ZMYM2: variants seen among roughly 807,000 people sequenced by gnomAD.
ZMYM2 encodes zinc finger MYM-type containing 2.
A neutral mutation model predicts 162.8 loss-of-function variants in ZMYM2; 56 were observed. The ratio of observed to expected loss-of-function variants is 0.34; its 90% CI spans 0.28 to 0.43. The LOEUF is 0.43. Among genes scored for constraint, ZMYM2 ranks in the 20% least tolerant of loss-of-function variants. The pLI, the probability that ZMYM2 is intolerant of heterozygous loss-of-function variation, is 1.00. For synonymous variants in ZMYM2, 510 were observed against 541.6 expected, an observed-to-expected ratio of 0.94 and a Z score of 0.81; for missense variants, 1,275 against 1,621.8, an observed-to-expected ratio of 0.79 and a Z score of 3.67.
At chr13:20,014,883 G>T (rs993660599) in intron 6 of ZMYM2, among the ~76,000 whole-genome samples, 1 of 145,662 alleles carries the variant, frequency 6.9e-6, no homozygotes, top group African/African-American at 2.5e-5. Flanking sequence ...TCCTGCATCC[G>T]CCTCCTGAGT....
At chr13:20,058,823 T>C in intron 15 of ZMYM2, 119 bp downstream of exon 15, 1 of 1,379,438 alleles carries the variant, frequency 7.2e-7, no homozygotes, top group Non-Finnish European at 1.0e-6. Flanking sequence ...TGTCATTTTC[T>C]GTTGATTTTG....
the ZMYM2 span, among the ~76,000 whole-genome samples, chr13:19,867,669 A>G: frequency 1.2e-4 from 18 of 151,978 alleles, no homozygotes; most frequent in African/African-American, 4.1e-4. Context: ...TCTGTTGCCC[A>G]GGCTGGAGTG....
At chr13:20,000,191 C>T (rs555615418) in intron 3 of ZMYM2, among the ~76,000 whole-genome samples, 1 of 152,248 alleles carries the variant, frequency 6.6e-6, no homozygotes, top group African/African-American at 2.4e-5. Context: ...AAAGCTTAAT[C>T]CAGAGTTAGG....
At chr13:19,902,531 G>T in the ZMYM2 span, among the ~76,000 whole-genome samples, 1 of 151,996 alleles carries the variant, frequency 6.6e-6, no homozygotes, top group African/African-American at 2.4e-5. Flanking sequence ...CAGGAGAATT[G>T]CTTGAACCCG....
At chr13:19,888,574 G>GTGGA in the ZMYM2 span, among the ~76,000 whole-genome samples, 4 of 151,876 alleles carry the variant, frequency 2.6e-5, no homozygotes, top group East Asian at 7.7e-4. Context: ...GAGATTTAAT[G>GTGGA]TGGATCCTCT....
At chr13:20,044,522 G>A (rs889411529) in intron 12 of ZMYM2, among the ~76,000 whole-genome samples, 3 of 152,178 alleles carry the variant, frequency 2.0e-5, no homozygotes, top group South Asian at 2.1e-4. Flanking sequence ...CAGTCCCTCC[G>A]GGGCAGCTCT....
At chr13:20,074,326 G>C (rs1429640480) in intron 21 of ZMYM2, among the ~76,000 whole-genome samples, 2 of 151,244 alleles carry the variant, frequency 1.3e-5, no homozygotes, top group Admixed American at 1.3e-4. Context: ...CAACCTCCCA[G>C]GCTCAAGTGA....
At chr13:19,904,083 A>G in the ZMYM2 span, among the ~76,000 whole-genome samples, 2 of 152,162 alleles carry the variant, frequency 1.3e-5, no homozygotes, top group Admixed American at 1.3e-4. Context: ...TTCCCATTAA[A>G]AAGGCTGATC....
chr13:19,880,326 A>T, the ZMYM2 span, among the ~76,000 whole-genome samples: 12 of 152,234 alleles, frequency 7.9e-5, 2 homozygotes, highest in East Asian at 1.5e-3. Flanking sequence ...TTCGTGTTTT[A>T]TTTCTTTCAG....
the ZMYM2 span, among the ~76,000 whole-genome samples, chr13:19,896,233 C>T: frequency 1.3e-5 from 2 of 151,364 alleles, no homozygotes; most frequent in African/African-American, 4.9e-5. Flanking sequence ...AAGCTCCGAC[C>T]CCTGGGTTCA....
the ZMYM2 span, among the ~76,000 whole-genome samples, chr13:19,927,926 T>C: frequency 1.3e-5 from 2 of 152,212 alleles, no homozygotes; most frequent in Admixed American, 1.3e-4. Context: ...ATATTTAATA[T>C]ATTTATTGGC....
chr13:20,055,151 G>GGCAT (rs1370921501), intron 14 of ZMYM2, among the ~76,000 whole-genome samples: 3 of 152,092 alleles, frequency 2.0e-5, no homozygotes, highest in Non-Finnish European at 4.4e-5. Flanking sequence ...TAGGGGTAGG[G>GGCAT]GCATTGGTGG....
At chr13:19,919,003 A>G in the ZMYM2 span, among the ~76,000 whole-genome samples, 1 of 152,146 alleles carries the variant, frequency 6.6e-6, no homozygotes, top group South Asian at 2.1e-4. Flanking sequence ...TTCCCTCTTT[A>G]TAGTCACACT....
rs754909177 is a variant in ZMYM2 at position 20,037,213 on chromosome 13, A to ATTTT, written c.2292+325_2292+328dup. Among the ~76,000 whole-genome samples, 137 of 90,380 alleles carry ATTTT rather than the reference A, an allele frequency of 1.5e-3. 1 individual carries two copies. The highest frequency in any genetic ancestry group is 1.7e-3 in the Non-Finnish European group (83 of 48,250). 59.3% of individuals were successfully genotyped at this position (90,380 alleles called of 152,430 possible). On this transcript the variant is annotated intron_variant, in intron 12 of 24. Transcript: ENST00000610343. ...TTGTGTCTTTATTTCACTAAGTAGA[A>ATTTT]TTTTTTTTTTTTTTTTTTTTTTTTG...
the ZMYM2 span, among the ~76,000 whole-genome samples, chr13:19,875,626 CAAAAAAAA>C: frequency 2.1e-3 from 117 of 54,888 alleles, no homozygotes; most frequent in African/African-American, 8.5e-3. Flanking sequence ...GACTCCATCG[CAAAAAAAA>C]AAAAAAAAAA....
At chr13:19,909,288 C>A in the ZMYM2 span, among the ~76,000 whole-genome samples, 1 of 152,078 alleles carries the variant, frequency 6.6e-6, no homozygotes, top group Non-Finnish European at 1.5e-5. Flanking sequence ...TTGGAAAAGA[C>A]CTGCCACTGG....
At chr13:19,870,551 C>CT in the ZMYM2 span, among the ~76,000 whole-genome samples, 1 of 65,792 alleles carries the variant, frequency 1.5e-5, no homozygotes, top group African/African-American at 7.6e-5. Context: ...TTCTTTCTTT[C>CT]TTCCTTCCTT....
chr13:19,978,913 C>T (rs1050860989), intron 2 of ZMYM2, among the ~76,000 whole-genome samples: 8 of 152,238 alleles, frequency 5.3e-5, no homozygotes, highest in South Asian at 4.1e-4. Flanking sequence ...CATTTCATGT[C>T]GGGCAGGTCT....
chr13:20,042,585 G>GGTA (rs1165213954), intron 12 of ZMYM2, among the ~76,000 whole-genome samples: 1 of 152,024 alleles, frequency 6.6e-6, no homozygotes, highest in African/African-American at 2.4e-5. Context: ...TTACTGGAGA[G>GGTA]GTAGTACAGT....
Sources: gnomAD v4.1 joint callset for allele counts (sites outside exome capture counted in the v4.1 genomes callset) on GRCh38, gnomAD v4.1.1 for gene constraint, MANE v1.5 for transcripts, NCBI Gene and HGNC (gene_info 2026-07-23, HGNC 2026-07-21) for gene names.